Variants in SCLT1 observed in about 807,000 individuals in gnomAD.
SCLT1 encodes sodium channel and clathrin linker 1.
Under a neutral mutation model 112.8 loss-of-function variants are expected in SCLT1, and 78 were observed. The observed-to-expected ratio is 0.69, with a 90% confidence interval of 0.58 to 0.83. The LOEUF (loss-of-function observed/expected upper bound fraction) is 0.83. Ranked by LOEUF, SCLT1 falls within the 40% of genes least tolerant of loss-of-function variation. The pLI is 0.00. For synonymous variants in SCLT1, 257 were observed against 254.7 expected (o/e 1.01, Z -0.09); for missense variants, 747 against 770.4 (o/e 0.97, Z 0.36).
chr4:129,067,206 G>A (rs1750567669), intron 2 of SCLT1, among the ~76,000 whole-genome samples: 1 of 151,374 alleles, frequency 6.6e-6, no homozygotes, highest in African/African-American at 2.4e-5. Context: ...AATAAATCTT[G>A]GCTCATTATC....
At chr4:129,090,882 G>C (rs1752769799) in intron 1 of SCLT1, among the ~76,000 whole-genome samples, 2 of 152,208 alleles carry the variant, frequency 1.3e-5, no homozygotes, top group Admixed American at 1.3e-4. Context: ...GATATGTAAA[G>C]CTGAAATAGT....
At chr4:129,064,671 T>C (rs1237805531) in intron 2 of SCLT1, among the ~76,000 whole-genome samples, 3 of 152,172 alleles carry the variant, frequency 2.0e-5, no homozygotes, top group African/African-American at 7.2e-5. Flanking sequence ...CCTACAATTT[T>C]TATGTGTCTA....
intron 5 of SCLT1, among the ~76,000 whole-genome samples, chr4:129,024,852 A>C (rs1745877032): frequency 6.6e-6 from 1 of 150,936 alleles, no homozygotes; most frequent in East Asian, 1.9e-4. Context: ...AGAAGTGCTT[A>C]AAGGAGCTGA....
At chr4:129,021,454 T>G (rs1460575705) in intron 5 of SCLT1, among the ~76,000 whole-genome samples, 1 of 152,198 alleles carries the variant, frequency 6.6e-6, no homozygotes. Flanking sequence ...GAAATTTTGG[T>G]GCAAGCACAG....
chr4:128,914,539 T>C (rs318542), intron 18 of SCLT1, among the ~76,000 whole-genome samples: 108,069 of 152,052 alleles, frequency 0.71, 38,522 homozygotes, highest in African/African-American at 0.77. Flanking sequence ...CAGGGATAAA[T>C]GAAGAGTTTG....
intron 10 of SCLT1, among the ~76,000 whole-genome samples, chr4:128,969,335 G>A (rs1740477929): frequency 6.6e-6 from 1 of 152,108 alleles, no homozygotes; most frequent in African/African-American, 2.4e-5. Context: ...CACTTTGGGA[G>A]GCTGAGGCAG....
chr4:128,934,347 A>G (rs1737014107), intron 18 of SCLT1, among the ~76,000 whole-genome samples: 1 of 151,706 alleles, frequency 6.6e-6, no homozygotes, highest in South Asian at 2.1e-4. Context: ...AATACTATAC[A>G]TACTGTTATA....
At position 129,065,332 on chromosome 4, in the gene SCLT1, C is replaced by G. The variant is rs941461093; in HGVS notation, c.102+16974G>C. The stretch of plus-strand genomic sequence containing the variant: ...TTTCATTTTGAACCACATTGTTGTT[C>G]ACATAGTTGGTTTTGTGTGTGTGTA... On this transcript the variant is annotated intron_variant, in intron 2 of 20. Transcript: ENST00000281142. Among the ~76,000 whole-genome samples, 15 of 139,250 alleles carry G rather than the reference C, an allele frequency of 1.1e-4. No homozygotes were observed. In the Admixed American group the frequency reaches 1.1e-3, roughly 10 times the overall value. 91.4% of individuals were successfully genotyped at this position (139,250 alleles called of 152,430 possible).
At chr4:129,045,200 A>G (rs946509158) in intron 2 of SCLT1, among the ~76,000 whole-genome samples, 2 of 152,006 alleles carry the variant, frequency 1.3e-5, no homozygotes, top group Non-Finnish European at 2.9e-5. Context: ...AACGTCACAA[A>G]TGCAGAAATT....
chr4:128,934,451 G>C (rs1483276835), intron 18 of SCLT1, among the ~76,000 whole-genome samples: 1 of 151,690 alleles, frequency 6.6e-6, no homozygotes, highest in Non-Finnish European at 1.5e-5. Flanking sequence ...ATTGGTGGGG[G>C]AGAATGAACA....
At chr4:129,032,211 T>C (rs1746786609) in intron 5 of SCLT1, among the ~76,000 whole-genome samples, 1 of 151,932 alleles carries the variant, frequency 6.6e-6, no homozygotes, top group Non-Finnish European at 1.5e-5. Flanking sequence ...TGATCTTCAA[T>C]AAACCTGGGA....
At position 128,941,059 on chromosome 4, in the gene SCLT1, G is replaced by A. The variant is rs183262928; in HGVS notation, c.1632+1937C>T. ...TCAACTCTCACATGATTTTTTATTC[G>A]GTTACAAATAGTTTTCTCTTATATT... On this transcript the variant is annotated intron_variant, in intron 17 of 20. Coordinates refer to ENST00000281142, the MANE Select transcript of SCLT1 (RefSeq NM_144643.4). 3.3e-5 allele frequency among the ~76,000 whole-genome samples: 5 copies of A among 151,064 alleles called. No homozygotes were observed. In the East Asian group the frequency reaches 7.8e-4, roughly 24 times the overall value.
At chr4:129,054,050 A>T (rs1749113205) in intron 2 of SCLT1, among the ~76,000 whole-genome samples, 1 of 151,796 alleles carries the variant, frequency 6.6e-6, no homozygotes, top group African/African-American at 2.4e-5. Context: ...TGGGTTGAAA[A>T]TTCTTTGAGA....
In SCLT1 at chr4:128,884,261, A is replaced by T; in HGVS notation, c.*216T>A. On this transcript the variant is annotated 3_prime_UTR_variant, in exon 21 of 21. Transcript: ENST00000281142. ...GCAATGAGTTCTTCTCAGCTGGTTT[A>T]TTCTCCACTGAAGCTCAATATAGGA... The T allele has an allele frequency of 1.0e-5, 4 of 387,744 alleles. No homozygotes were observed. Among genetic ancestry groups the T allele is most frequent in the Non-Finnish European group, 1.8e-5 (4 of 219,540 alleles). 24.0% of individuals were successfully genotyped at this position (387,744 alleles called of 1,614,324 possible).
intron 9 of SCLT1, among the ~76,000 whole-genome samples, chr4:128,975,040 CTTTT>C (rs34603915): frequency 1.1e-5 from 1 of 87,054 alleles, no homozygotes; most frequent in Non-Finnish European, 2.1e-5. Context: ...TGAATGACAA[CTTTT>C]TTTTTTTTTT....
At chr4:129,033,511 A>C (rs903133099) in intron 5 of SCLT1, among the ~76,000 whole-genome samples, 5 of 148,830 alleles carry the variant, frequency 3.4e-5, no homozygotes, top group African/African-American at 1.0e-4. Context: ...GTAAAAAAAA[A>C]AAAAAAAAAA....
intron 5 of SCLT1, among the ~76,000 whole-genome samples, chr4:129,007,352 A>G (rs570684097): frequency 2.6e-5 from 4 of 151,722 alleles, no homozygotes; most frequent in Non-Finnish European, 5.9e-5. Flanking sequence ...CATATTTCCT[A>G]TTATAATGGT....
chr4:129,049,953 T>C (rs112740253), intron 2 of SCLT1, among the ~76,000 whole-genome samples: 2,368 of 152,244 alleles, frequency 0.016, 59 homozygotes, highest in African/African-American at 0.048. Flanking sequence ...TGTGTTGTCA[T>C]TGTTCAACTC....
At chr4:128,915,132 T>A (rs1735380115) in intron 18 of SCLT1, among the ~76,000 whole-genome samples, 1 of 152,244 alleles carries the variant, frequency 6.6e-6, no homozygotes, top group South Asian at 2.1e-4. Context: ...CCCAACACTA[T>A]ACTATAGACT....
Sources: allele counts gnomAD v4.1 joint callset (sites outside exome capture counted in the v4.1 genomes callset), GRCh38; gene constraint gnomAD v4.1.1; transcripts MANE v1.5; gene names NCBI Gene and HGNC (gene_info 2026-07-23, HGNC 2026-07-21).